The following HSPA4 variants were observed in gnomAD, a reference collection of about 807,000 sequenced individuals.
HSPA4 encodes heat shock protein family A (Hsp70) member 4.
In HSPA4, 25 loss-of-function variants were observed where a neutral mutation model predicts 106.2. The ratio of observed to expected loss-of-function variants is 0.24; its 90% CI spans 0.17 to 0.33. The LOEUF (loss-of-function observed/expected upper bound fraction) is 0.33, where lower values mean the gene tolerates loss of function less well. HSPA4 is among the 10% of genes least tolerant of loss of function. The pLI, the probability that HSPA4 is intolerant of heterozygous loss-of-function variation, is 1.00. For missense variants in HSPA4, 841 were observed against 996.0 expected (o/e 0.84, Z 2.10); for synonymous variants, 332 against 333.6 (o/e 1.00, Z 0.05).
intron 13 of HSPA4, among the ~76,000 whole-genome samples, chr5:133,095,539 TATAA>T (rs1765699930): frequency 1.3e-5 from 2 of 152,316 alleles, no homozygotes; most frequent in South Asian, 4.1e-4. Context: ...CTTGTGAGAA[TATAA>T]ATAGTTACAG....
intron 4 of HSPA4, among the ~76,000 whole-genome samples, chr5:133,072,659 G>A (rs1251778140): frequency 8.6e-5 from 13 of 150,388 alleles, no homozygotes; most frequent in African/African-American, 2.7e-4. Context: ...CACCCACCAC[G>A]GCCCCCCAAA....
chr5:133,079,771 T>C (rs961834336), intron 7 of HSPA4, among the ~76,000 whole-genome samples: 1 of 152,242 alleles, frequency 6.6e-6, no homozygotes, highest in Non-Finnish European at 1.5e-5. Context: ...TCAACACTTA[T>C]TTTCAATTAT....
chr5:133,094,583 T>C (rs1405791300), intron 13 of HSPA4, among the ~76,000 whole-genome samples: 1 of 152,092 alleles, frequency 6.6e-6, no homozygotes, highest in African/African-American at 2.4e-5. Context: ...AAGGACTTGT[T>C]CTCCTATATG....
intron 13 of HSPA4, among the ~76,000 whole-genome samples, chr5:133,093,362 A>T (rs909012441): frequency 6.6e-6 from 1 of 152,152 alleles, no homozygotes; most frequent in African/African-American, 2.4e-5. Flanking sequence ...TAGGCTAGTG[A>T]TTTATTTATG....
At chr5:133,060,446 T>C (rs1765226872) in intron 1 of HSPA4, among the ~76,000 whole-genome samples, 1 of 152,078 alleles carries the variant, frequency 6.6e-6, no homozygotes. Flanking sequence ...CACTACAATC[T>C]CTGCCTCCCC....
chr5:133,085,040 C>G (rs1165209003), intron 7 of HSPA4, among the ~76,000 whole-genome samples: 1 of 152,080 alleles, frequency 6.6e-6, no homozygotes. Context: ...AACTCCTGGG[C>G]TCAAGCCTTA....
chr5:133,086,900 T>C (rs1469782022), intron 8 of HSPA4, 42 bp downstream of exon 8: 7 of 1,377,916 alleles, frequency 5.1e-6, no homozygotes, highest in Non-Finnish European at 6.2e-6. Context: ...TATCTCAGAC[T>C]GTTTGGAAAT....
chr5:133,094,967 A>G (rs1765691834), intron 13 of HSPA4, among the ~76,000 whole-genome samples: 1 of 152,226 alleles, frequency 6.6e-6, no homozygotes, highest in African/African-American at 2.4e-5. Flanking sequence ...CTCAAAGGAA[A>G]AGATGGATAG....
chr5:133,079,388 A>C (rs1426968471), intron 7 of HSPA4, among the ~76,000 whole-genome samples: 1 of 152,186 alleles, frequency 6.6e-6, no homozygotes, highest in African/African-American at 2.4e-5. Context: ...AAGTGTAATC[A>C]TGTAATATGC....
In HSPA4 at chr5:133,088,507, T is replaced by C. The variant is rs181095224; in HGVS notation, c.1089T>C (p.Ser363=). ...KISKFFGKEL[S]TTLNADEAVT... ...GCAAATTTTTCGGTAAAGAACTTAGTACAACATTAAATGCTGATGAAGCTG... is the reference window on the plus strand; with the variant it reads ...GCAAATTTTTCGGTAAAGAACTTAGCACAACATTAAATGCTGATGAAGCTG... Residue 363 remains serine, a synonymous_variant, in exon 9 of 19, where the codon AGT becomes AGC. Coordinates refer to ENST00000304858, the MANE Select transcript of HSPA4 (RefSeq NM_002154.4). 6.8e-5 allele frequency: 109 copies of C among 1,614,000 alleles called. No homozygotes were observed. The East Asian group carries it at 2.1e-3, about 32-fold the overall frequency.
chr5:133,099,498 G>T (rs757146523), intron 15 of HSPA4, 47 bp from the exon 16 acceptor site: 2 of 946,172 alleles, frequency 2.1e-6, no homozygotes, highest in East Asian at 4.9e-5. Context: ...CTGTATTGGG[G>T]ATGTAATTTT....
intron 2 of HSPA4, among the ~76,000 whole-genome samples, chr5:133,066,999 A>C (rs1251892539): frequency 2.0e-5 from 3 of 152,190 alleles, no homozygotes; most frequent in Non-Finnish European, 4.4e-5. Flanking sequence ...GGCGTGAGCC[A>C]TGACACCCGG....
chr5:133,086,871 G>A lies in HSPA4; in HGVS notation c.985+13G>A. ...TTGGAACAAACCAGTAAGTATTTTT[G>A]TGATTGAATTTGTTTGCGTATCTCA... On this transcript the variant is annotated intron_variant, in intron 8 of 18. Transcript: ENST00000304858. 2 of 1,589,418 alleles carry A rather than the reference G, an allele frequency of 1.3e-6. No homozygotes were observed. Among genetic ancestry groups the A allele is most frequent in the Non-Finnish European group, 1.7e-6 (2 of 1,157,866 alleles).
At chr5:133,091,031 G>C (rs749107594) in intron 11 of HSPA4, 162 bp from the exon 12 acceptor site, 2 of 720,920 alleles carry the variant, frequency 2.8e-6, no homozygotes, top group Non-Finnish European at 5.1e-6. Flanking sequence ...AGAGAAATCT[G>C]ATGATTTAAT....
Position 133,065,144 on chromosome 5 carries a change from A to G in HSPA4, c.165+107A>G, listed in dbSNP as rs1313240941. On this transcript the variant is annotated intron_variant, in intron 2 of 18. Transcript: ENST00000304858. ...TGCCTAACACTGGTAGGCCTTGGGA[A>G]TACAACTGGCAGATACAGACCTCTT... The G allele has an allele frequency of 7.9e-6, 7 of 882,492 alleles. No homozygotes were observed. The African/African-American group carries it at 1.0e-4, about 13-fold the overall frequency. 54.7% of individuals were successfully genotyped at this position (882,492 alleles called of 1,614,324 possible).
At chr5:133,062,240 A>G (rs573227792) in intron 1 of HSPA4, among the ~76,000 whole-genome samples, 2 of 152,344 alleles carry the variant, frequency 1.3e-5, no homozygotes, top group Admixed American at 1.3e-4. Context: ...TTACTGACAT[A>G]GAATAGGAAA....
chr5:133,069,340 C>T (rs1224705558), intron 3 of HSPA4, among the ~76,000 whole-genome samples: 1 of 151,912 alleles, frequency 6.6e-6, no homozygotes, highest in Non-Finnish European at 1.5e-5. Context: ...ACCTCTGCCT[C>T]CTGGGTTCAA....
chr5:133,086,839 T>C lies in HSPA4; in HGVS notation c.966T>C (p.Arg322=). ...TAGCTAGAGTGGAGCCACCACTTCG[T>C]AGTGTTTTGGAACAAACCAGTAAGT... ...DLLARVEPPL[R]SVLEQTKLKK... Residue 322 remains arginine, a synonymous_variant, in exon 8 of 19, where the codon CGT becomes CGC. Transcript: ENST00000304858. 1 of 1,612,856 alleles carries C rather than the reference T, an allele frequency of 6.2e-7. No homozygotes were observed. Among genetic ancestry groups the C allele is most frequent in the Non-Finnish European group, 8.5e-7 (1 of 1,178,868 alleles).
intron 11 of HSPA4, among the ~76,000 whole-genome samples, chr5:133,090,589 A>G (rs1424297567): frequency 6.6e-6 from 1 of 152,208 alleles, no homozygotes; most frequent in East Asian, 1.9e-4. Context: ...GAGAAGAGAT[A>G]GAAACTAGTT....
Sources: gnomAD v4.1 joint callset for allele counts (sites outside exome capture counted in the v4.1 genomes callset) on GRCh38, gnomAD v4.1.1 for gene constraint, MANE v1.5 for transcripts, NCBI Gene and HGNC (gene_info 2026-07-23, HGNC 2026-07-21) for gene names.